SH3PXD2A: variants seen among roughly 807,000 people sequenced by gnomAD.
The protein encoded by SH3PXD2A is SH3 and PX domain-containing protein 2A.
In SH3PXD2A, 32 loss-of-function variants were observed where a neutral mutation model predicts 115.2. The ratio of observed to expected loss-of-function variants is 0.28; its 90% CI spans 0.21 to 0.37. The LOEUF (loss-of-function observed/expected upper bound fraction) is 0.37, where lower values mean the gene tolerates loss of function less well. Ranked by LOEUF, SH3PXD2A falls within the 10% of genes least tolerant of loss-of-function variation. The pLI, the probability that SH3PXD2A is intolerant of heterozygous loss-of-function variation, is 1.00. For synonymous variants in SH3PXD2A, 610 were observed against 629.1 expected, an observed-to-expected ratio of 0.97 and a Z score of 0.45; for missense variants, 1,328 against 1,498.7, an observed-to-expected ratio of 0.89 and a Z score of 1.88.
chr10:103,709,658 G>A (rs1030160803), intron 5 of SH3PXD2A, among the ~76,000 whole-genome samples: 5 of 152,214 alleles, frequency 3.3e-5, no homozygotes, highest in Admixed American at 2.0e-4. Flanking sequence ...TTCATTGAGG[G>A]GTAGGATAGG....
intron 2 of SH3PXD2A, 152 bp from the exon 3 acceptor site, chr10:103,767,321 C>T: frequency 1.6e-6 from 1 of 641,808 alleles, no homozygotes; most frequent in South Asian, 1.7e-5. Context: ...GATTAACAAA[C>T]CACATGGGGC....
chr10:103,608,301 A>T (rs4917397), intron 13 of SH3PXD2A, among the ~76,000 whole-genome samples: 6 of 149,948 alleles, frequency 4.0e-5, no homozygotes, highest in East Asian at 2.0e-4. Context: ...CCAGGGAACG[A>T]GGCCCTGTCG....
intron 5 of SH3PXD2A, among the ~76,000 whole-genome samples, chr10:103,722,768 T>C (rs1353105238): frequency 6.6e-6 from 1 of 152,146 alleles, no homozygotes; most frequent in East Asian, 1.9e-4. Context: ...AACTGGGACG[T>C]GAACTCAATA....
chr10:103,607,107 C>T (rs1028579105), intron 13 of SH3PXD2A, among the ~76,000 whole-genome samples: 3 of 151,508 alleles, frequency 2.0e-5, no homozygotes, highest in Admixed American at 6.6e-5. Flanking sequence ...TCTGCCCAGC[C>T]GCCCATCGTC....
In SH3PXD2A at chr10:103,627,051, C is replaced by T. The variant is rs367716237; in HGVS notation, c.718+38G>A. ...GAGTGAGAGAGCTGCCTCCAGAGGC[C>T]GCGTTGCTCCCTGCCCCTTGGACCT... On this transcript the variant is annotated intron_variant, in intron 9 of 14. Transcript: ENST00000369774. The surrounding 1 kb of genome is among the most constrained non-coding windows in gnomAD (Gnocchi z 4.4). The T allele has an allele frequency of 1.7e-5, 19 of 1,144,826 alleles. 1 individual carries two copies. The highest frequency in any genetic ancestry group is 1.1e-4 in the African/African-American group (7 of 65,858). 70.9% of individuals were successfully genotyped at this position (1,144,826 alleles called of 1,614,324 possible). A position where few individuals can be genotyped will look rare whatever the true frequency, so the allele number is the denominator to read the frequency against.
At chr10:103,789,565 C>T (rs996299537) in intron 2 of SH3PXD2A, among the ~76,000 whole-genome samples, 1 of 151,994 alleles carries the variant, frequency 6.6e-6, no homozygotes, top group Non-Finnish European at 1.5e-5. Context: ...ACAACACTCA[C>T]CTGGCCACCA....
intron 8 of SH3PXD2A, among the ~76,000 whole-genome samples, chr10:103,631,334 AATT>A (rs2036777119): frequency 6.6e-6 from 1 of 152,190 alleles, no homozygotes; most frequent in East Asian, 1.9e-4. Flanking sequence ...GATTAACAAT[AATT>A]AATAAAATAG....
chr10:103,744,380 C>T lies in SH3PXD2A; in HGVS notation c.230-8572G>A, dbSNP rs1029628326. ...GTTGGTCAGGCTGGTCTCGAACTCC[C>T]GACCTCAGGTGATCCGCCCGCCTCA... On this transcript the variant is annotated intron_variant, in intron 3 of 14. Coordinates refer to ENST00000369774, the MANE Select transcript of SH3PXD2A (RefSeq NM_001394015.1). Among the ~76,000 whole-genome samples, 9 of 151,828 alleles carry T rather than the reference C, an allele frequency of 5.9e-5. 1 individual carries two copies. Among genetic ancestry groups the T allele is most frequent in the Admixed American group, 4.6e-4 (7 of 15,240 alleles).
At chr10:103,835,607 C>T (rs2134309537) in intron 1 of SH3PXD2A, among the ~76,000 whole-genome samples, 1 of 152,304 alleles carries the variant, frequency 6.6e-6, no homozygotes, top group South Asian at 2.1e-4. Flanking sequence ...GAATTTTCTA[C>T]AGTCTCTTCT....
rs957890341 is a variant in SH3PXD2A, at chr10:103,627,301, C to T, written c.605-99G>A. 2.1e-5 allele frequency: 15 copies of T among 719,350 alleles called. No individual in the cohort carries two copies. Among genetic ancestry groups the T allele is most frequent in the Admixed American group, 6.2e-5 (3 of 48,172 alleles). The allele number at this position is 719,350 out of a possible 1,614,324, so 44.6% of individuals were successfully genotyped here. On this transcript the variant is annotated intron_variant, in intron 8 of 14. Transcript: ENST00000369774. This position sits in a 1 kb window ranked among gnomAD's most constrained non-coding sequence, Gnocchi z 4.4. ...AGGATGGAAGGAGAGGCACAAGAAG[C>T]GGAGCATGGAGCCAGATGGCCTGGG...
chr10:103,693,055 C>T lies in SH3PXD2A; in HGVS notation c.400G>A (p.Asp134Asn). 1 of 1,613,494 alleles carries T rather than the reference C, an allele frequency of 6.2e-7. No individual in the cohort carries two copies. The highest frequency in any genetic ancestry group is 8.5e-7 in the Non-Finnish European group (1 of 1,179,622). Residue 134 changes from aspartate (D) to asparagine (N), a missense_variant and splice_region_variant, in exon 6 of 15, where the codon GAC becomes AAC. Physicochemically the swap from Asp to Asn is conservative, Grantham distance 23. This residue lies in a region of SH3PXD2A where 90 missense variants were observed against 71.1 expected (regional missense o/e 1.27). Transcript: ENST00000369774. ...GATTTCCTCTTGGAACTGCCATAGT[C>T]CCTGAAAAAGAAGCAACAACAGATA... is the stretch of plus-strand genomic sequence containing the variant. ...RPEDVNPPKE[D>N]YGSSKRKSVW...
At chr10:103,732,882 G>T (rs1019677162) in intron 4 of SH3PXD2A, among the ~76,000 whole-genome samples, 13 of 152,190 alleles carry the variant, frequency 8.5e-5, no homozygotes, top group African/African-American at 3.1e-4. Flanking sequence ...TGCTGGCTGG[G>T]GTCGGCCGGT....
chr10:103,667,597 A>C (rs1258848374), intron 7 of SH3PXD2A, among the ~76,000 whole-genome samples: 1 of 152,096 alleles, frequency 6.6e-6, no homozygotes, highest in East Asian at 1.9e-4. Flanking sequence ...ACTCCTCCCA[A>C]CACGTTTACC....
At chr10:103,736,867 A>G (rs544968821) in intron 3 of SH3PXD2A, 2 of 980,296 alleles carry the variant, frequency 2.0e-6, no homozygotes, top group Non-Finnish European at 2.8e-6. Context: ...TTGTGGTGTC[A>G]GTCAGTCTAG....
In SH3PXD2A at chr10:103,665,260, G is replaced by A. The variant is rs888253085; in HGVS notation, c.472+3348C>T. 3.3e-5 allele frequency among the ~76,000 whole-genome samples: 5 copies of A among 152,170 alleles called. No homozygotes were observed. Among genetic ancestry groups the A allele is most frequent in the African/African-American group, 4.8e-5 (2 of 41,424 alleles). On this transcript the variant is annotated intron_variant, in intron 7 of 14. Coordinates refer to ENST00000369774, the MANE Select transcript of SH3PXD2A (RefSeq NM_001394015.1). This position sits in a 1 kb window ranked among gnomAD's most constrained non-coding sequence, Gnocchi z 4.0. ...TGTGGCCAGAAGATGCCTGGAGGAC[G>A]AGCAGGAGGTGCTGGGGAGTGGACA... is the stretch of plus-strand genomic sequence containing the variant.
At chr10:103,775,942 C>G (rs2038873675) in intron 2 of SH3PXD2A, among the ~76,000 whole-genome samples, 1 of 152,194 alleles carries the variant, frequency 6.6e-6, no homozygotes, top group Non-Finnish European at 1.5e-5. Flanking sequence ...ATAACACACA[C>G]TCACTAAGCT....
chr10:103,687,558 C>T (rs1027803992), intron 6 of SH3PXD2A, among the ~76,000 whole-genome samples: 2 of 152,072 alleles, frequency 1.3e-5, no homozygotes, highest in Admixed American at 6.5e-5. Context: ...GTGCCTTGCC[C>T]CCTCCACTGC....
chr10:103,643,614 A>G (rs1471515570), intron 8 of SH3PXD2A, among the ~76,000 whole-genome samples: 1 of 152,208 alleles, frequency 6.6e-6, no homozygotes. Context: ...GACATCAGCC[A>G]GCGTCTGACA....
intron 6 of SH3PXD2A, among the ~76,000 whole-genome samples, chr10:103,687,527 A>G (rs2037693879): frequency 6.6e-6 from 1 of 152,106 alleles, no homozygotes; most frequent in African/African-American, 2.4e-5. Flanking sequence ...TCCAATCATC[A>G]GAGTCTGTCC....
Sources: gnomAD v4.1 joint callset for allele counts (sites outside exome capture counted in the v4.1 genomes callset) on GRCh38, gnomAD v4.1.1 for gene constraint, gnomAD v4.1.1 regional missense constraint, Gnocchi (gnomAD v3.1) non-coding constraint, MANE v1.5 for transcripts, NCBI Gene and HGNC (gene_info 2026-07-23, HGNC 2026-07-21) for gene names.